Variants in ITGA9 observed in about 807,000 individuals in gnomAD.
ITGA9 encodes the protein integrin subunit alpha 9.
Under a neutral mutation model 127.8 loss-of-function variants are expected in ITGA9, and 56 were observed. That is an observed-to-expected ratio of 0.44 (90% CI 0.35 to 0.55). The LOEUF (loss-of-function observed/expected upper bound fraction) is 0.55, where lower values mean the gene tolerates loss of function less well. Ranked by LOEUF, ITGA9 falls within the 20% of genes least tolerant of loss-of-function variation. The pLI is 0.00. For synonymous variants in ITGA9, 508 were observed against 514.5 expected, an observed-to-expected ratio of 0.99 and a Z score of 0.17; for missense variants, 1,196 against 1,347.1, an observed-to-expected ratio of 0.89 and a Z score of 1.76.
chr3:37,588,824 T>A (rs996492821), intron 15 of ITGA9, among the ~76,000 whole-genome samples: 2 of 152,222 alleles, frequency 1.3e-5, no homozygotes, highest in Non-Finnish European at 2.9e-5. Flanking sequence ...CAGTGATGGC[T>A]GGAGCCCTGG....
chr3:37,565,348 G>A (rs1012183428), intron 15 of ITGA9, among the ~76,000 whole-genome samples: 5 of 152,194 alleles, frequency 3.3e-5, no homozygotes, highest in Admixed American at 6.5e-5. Context: ...GTCCTAGACT[G>A]GGGTGGTGTT....
chr3:37,621,937 A>C (rs1259325635), intron 15 of ITGA9, among the ~76,000 whole-genome samples: 1 of 152,082 alleles, frequency 6.6e-6, no homozygotes, highest in Admixed American at 6.6e-5. Context: ...GAGTTCTTTG[A>C]ATTCACCTGG....
chr3:37,660,415 A>G (rs1334520485), intron 17 of ITGA9, among the ~76,000 whole-genome samples: 1 of 152,228 alleles, frequency 6.6e-6, no homozygotes, highest in Non-Finnish European at 1.5e-5. Context: ...TTAAGTTAGC[A>G]AAGTCCTAAT....
chr3:37,565,729 C>T (rs1314439800), intron 15 of ITGA9, among the ~76,000 whole-genome samples: 2 of 152,170 alleles, frequency 1.3e-5, no homozygotes, highest in Non-Finnish European at 2.9e-5. Flanking sequence ...AAATAGATTG[C>T]TAGGCTCACT....
At chr3:37,817,984 G>A (rs892710737) in intron 27 of ITGA9, among the ~76,000 whole-genome samples, 17 of 152,132 alleles carry the variant, frequency 1.1e-4, no homozygotes, top group African/African-American at 4.1e-4. Context: ...ATGACAGCAA[G>A]GTAGAATGCA....
chr3:37,595,723 A>G (rs554139794), intron 15 of ITGA9, among the ~76,000 whole-genome samples: 2 of 152,254 alleles, frequency 1.3e-5, no homozygotes, highest in East Asian at 1.9e-4. Flanking sequence ...ATGGCCATGT[A>G]TGCACAAAGA....
intron 26 of ITGA9, among the ~76,000 whole-genome samples, chr3:37,787,235 G>A (rs1697052185): frequency 6.6e-6 from 1 of 152,104 alleles, no homozygotes; most frequent in African/African-American, 2.4e-5. Flanking sequence ...ATAAGTGGAA[G>A]CTAATGGAAA....
chr3:37,697,474 G>A (rs1304015851), intron 18 of ITGA9, among the ~76,000 whole-genome samples: 2 of 151,974 alleles, frequency 1.3e-5, no homozygotes, highest in East Asian at 1.9e-4. Context: ...TCCTAATGCT[G>A]TCCCTCCCCT....
At chr3:37,756,768 A>G (rs993901224) in intron 23 of ITGA9, among the ~76,000 whole-genome samples, 8 of 152,330 alleles carry the variant, frequency 5.3e-5, no homozygotes, top group African/African-American at 1.9e-4. Flanking sequence ...ACACAAAAAT[A>G]AGCATCAATG....
chr3:37,601,093 C>T (rs1222735616), intron 15 of ITGA9, among the ~76,000 whole-genome samples: 1 of 152,204 alleles, frequency 6.6e-6, no homozygotes, highest in Non-Finnish European at 1.5e-5. Context: ...CTCTCTTCCC[C>T]ACCCCAGTCC....
At chr3:37,627,366 A>G (rs112651779) in intron 15 of ITGA9, among the ~76,000 whole-genome samples, 171 of 151,976 alleles carry the variant, frequency 1.1e-3, no homozygotes, top group African/African-American at 3.9e-3. Context: ...CCACTTCATC[A>G]TGGCCGTCTC....
intron 10 of ITGA9, among the ~76,000 whole-genome samples, chr3:37,518,384 C>G (rs1028968065): frequency 1.3e-5 from 2 of 152,310 alleles, no homozygotes; most frequent in Admixed American, 6.5e-5. Context: ...TTTCCTCCCC[C>G]TTGGCCTCAC....
intron 15 of ITGA9, among the ~76,000 whole-genome samples, chr3:37,577,226 C>G (rs1275894257): frequency 1.3e-5 from 2 of 152,254 alleles, no homozygotes; most frequent in African/African-American, 4.8e-5. Flanking sequence ...TACATATGGC[C>G]AAGCCCTTCA....
At chr3:37,588,090 A>G (rs1699775849) in intron 15 of ITGA9, among the ~76,000 whole-genome samples, 1 of 152,186 alleles carries the variant, frequency 6.6e-6, no homozygotes, top group Non-Finnish European at 1.5e-5. Flanking sequence ...TTCTATCTGG[A>G]TTCATCCTGT....
chr3:37,818,140 C>T (rs554849649), intron 27 of ITGA9: 11 of 133,172 alleles, frequency 8.3e-5, no homozygotes, highest in African/African-American at 2.3e-4. Context: ...TTTTCCCCAC[C>T]GGAATTAATG....
At chr3:37,529,854 G>A (rs1428450760) in intron 13 of ITGA9, among the ~76,000 whole-genome samples, 1 of 152,124 alleles carries the variant, frequency 6.6e-6, no homozygotes, top group Non-Finnish European at 1.5e-5. Context: ...GGGGCGAGGG[G>A]CCCTCATCTT....
At chr3:37,747,716 C>CTTTTTTTT (rs56897652) in intron 22 of ITGA9, among the ~76,000 whole-genome samples, 12 of 139,988 alleles carry the variant, frequency 8.6e-5, no homozygotes, top group South Asian at 2.3e-4. Context: ...CCTTTTTTTT[C>CTTTTTTTT]TTTTTTTTTT....
chr3:37,484,210 T>C (rs1445172252), intron 4 of ITGA9, among the ~76,000 whole-genome samples: 1 of 152,122 alleles, frequency 6.6e-6, no homozygotes, highest in Non-Finnish European at 1.5e-5. Context: ...GGCTGGCATG[T>C]GGAGTATTGG....
intron 18 of ITGA9, among the ~76,000 whole-genome samples, chr3:37,692,015 C>A (rs1700837195): frequency 5.3e-5 from 8 of 152,194 alleles, no homozygotes; most frequent in Admixed American, 5.2e-4. Flanking sequence ...TGGTGACCAG[C>A]AGATGCAGAG....
Sources: gnomAD v4.1 joint callset for allele counts (sites outside exome capture counted in the v4.1 genomes callset) on GRCh38, gnomAD v4.1.1 for gene constraint, MANE v1.5 for transcripts, NCBI Gene and HGNC (gene_info 2026-07-23, HGNC 2026-07-21) for gene names.